Variants in DCDC1 observed in about 807,000 individuals in gnomAD.
DCDC1 encodes doublecortin domain-containing protein 1.
Under a neutral mutation model 178.3 loss-of-function variants are expected in DCDC1, and 200 were observed. The ratio of observed to expected loss-of-function variants is 1.12; its 90% CI spans 1.00 to 1.26. The LOEUF (loss-of-function observed/expected upper bound fraction) is 1.26, where lower values mean the gene tolerates loss of function less well. Among genes scored for constraint, DCDC1 ranks in the 50% most tolerant of loss-of-function variants. The probability of loss-of-function intolerance (pLI) is 0.00; values close to 1 mark genes in which losing one functional copy is unlikely to be tolerated. For missense variants in DCDC1, 1,983 were observed against 1,749.2 expected, an observed-to-expected ratio of 1.13 and a Z score of -2.38; for synonymous variants, 690 against 604.8, an observed-to-expected ratio of 1.14 and a Z score of -2.07.
At chr11:30,922,909 A>AATT (rs1946341054) in intron 23 of DCDC1, among the ~76,000 whole-genome samples, 1 of 152,030 alleles carries the variant, frequency 6.6e-6, no homozygotes, top group African/African-American at 2.4e-5. Context: ...GTGAATCTAT[A>AATT]ATTATTTCAA....
Position 30,894,230 on chromosome 11 carries a change from G to A in DCDC1, c.4902+18C>T. ...AAAAGGGCAGAGTCTTTAATGTCCA[G>A]AATCCCAAAGAACATACCTCTGTAT... On this transcript the variant is annotated intron_variant, in intron 35 of 38. Coordinates refer to ENST00000684477, the MANE Select transcript of DCDC1 (RefSeq NM_001387274.1). 1 of 1,601,934 alleles carries A rather than the reference G, an allele frequency of 6.2e-7. No individual in the cohort carries two copies. The highest frequency in any genetic ancestry group is 8.5e-7 in the Non-Finnish European group (1 of 1,176,192).
intron 36 of DCDC1, among the ~76,000 whole-genome samples, chr11:30,883,908 G>C (rs1045818623): frequency 1.3e-5 from 2 of 151,732 alleles, no homozygotes; most frequent in Admixed American, 1.3e-4. Flanking sequence ...TGATACGCCT[G>C]CTACAAAAGT....
Position 31,305,734 on chromosome 11 carries a change from G to A in DCDC1, c.635C>T (p.Ala212Val), listed in dbSNP as rs764648755. The change falls in exon 6 of 39, where the codon GCA (alanine) becomes GTA (valine). Residue 212 changes from alanine to valine, a missense_variant. Physicochemically the swap from Ala to Val is moderately conservative, Grantham distance 64. Transcript: ENST00000684477. ...CTEKLNLNMA[A>V]RRVFLADGKE... is the part of the protein sequence containing the mutation. ...GCCGTCTGCCAAGAACACTCGTCTT[G>A]CGGCCATGTTCAGATTCAGCTTTTC... 5.6e-6 allele frequency: 9 copies of A among 1,613,592 alleles called. No individual in the cohort carries two copies. The Admixed American group carries it at 1.3e-4, about 24-fold the overall frequency.
At chr11:30,929,693 C>T (rs1946810709) in intron 22 of DCDC1, among the ~76,000 whole-genome samples, 4 of 151,842 alleles carry the variant, frequency 2.6e-5, no homozygotes, top group Admixed American at 2.0e-4. Flanking sequence ...TACTTCAAAG[C>T]CTCATCTGGG....
intron 36 of DCDC1, chr11:30,881,908 TAC>T (rs1394687437): frequency 6.5e-6 from 1 of 153,820 alleles, no homozygotes; most frequent in Non-Finnish European, 1.5e-5. Context: ...CATGTAGAGA[TAC>T]AGTGTCAATG....
intron 20 of DCDC1, among the ~76,000 whole-genome samples, chr11:31,031,697 A>C (rs1213093944): frequency 6.6e-6 from 1 of 152,122 alleles, no homozygotes; most frequent in Admixed American, 6.5e-5. Flanking sequence ...AGCCAGCAAT[A>C]TTGTGAAAAT....
At chr11:31,279,882 T>C (rs1044198855) in intron 7 of DCDC1, among the ~76,000 whole-genome samples, 11 of 152,068 alleles carry the variant, frequency 7.2e-5, no homozygotes, top group African/African-American at 2.4e-5. Context: ...ACTTAAAGTA[T>C]AATAAATTAA....
chr11:30,968,182 C>A (rs1157525912), intron 20 of DCDC1, among the ~76,000 whole-genome samples: 1 of 152,102 alleles, frequency 6.6e-6, no homozygotes, highest in Non-Finnish European at 1.5e-5. Flanking sequence ...TCAGGGTAAT[C>A]ATGGGTTTTG....
chr11:31,097,928 T>C (rs1364328228), intron 15 of DCDC1, among the ~76,000 whole-genome samples: 1 of 152,172 alleles, frequency 6.6e-6, no homozygotes, highest in Non-Finnish European at 1.5e-5. Flanking sequence ...TATGAATGCA[T>C]TCTACTAGCA....
intron 38 of DCDC1, among the ~76,000 whole-genome samples, chr11:30,870,129 A>T (rs978982402): frequency 1.3e-5 from 2 of 152,158 alleles, no homozygotes; most frequent in South Asian, 4.1e-4. Flanking sequence ...TAACAGTTGT[A>T]TGTTTGTGCA....
chr11:31,213,356 T>A (rs1344756453), intron 9 of DCDC1, among the ~76,000 whole-genome samples: 1 of 151,966 alleles, frequency 6.6e-6, no homozygotes. Flanking sequence ...CTCCTGAGTC[T>A]ATTTATCAAT....
chr11:31,169,451 T>C (rs959486441), intron 9 of DCDC1, among the ~76,000 whole-genome samples: 10 of 152,070 alleles, frequency 6.6e-5, no homozygotes, highest in Admixed American at 5.9e-4. Context: ...AATATAAAGG[T>C]ATAAAGTGGC....
intron 9 of DCDC1, among the ~76,000 whole-genome samples, chr11:31,171,048 G>A (rs1241519741): frequency 2.6e-5 from 4 of 152,096 alleles, no homozygotes; most frequent in Middle Eastern, 3.4e-3. Flanking sequence ...GGCTGGTCTC[G>A]AACTCCCGAT....
chr11:31,004,681 C>CAAAAAA (rs201483189), intron 20 of DCDC1, among the ~76,000 whole-genome samples: 1 of 72,504 alleles, frequency 1.4e-5, no homozygotes, highest in Non-Finnish European at 3.0e-5. Context: ...CACTCTGTCT[C>CAAAAAA]AAAAAAAAAA....
intron 3 of DCDC1, 62 bp downstream of exon 3, chr11:31,328,055 T>C (rs1949744481): frequency 6.8e-7 from 1 of 1,469,242 alleles, no homozygotes; most frequent in Non-Finnish European, 9.1e-7. Flanking sequence ...TTTAAACTAC[T>C]TTCTATAAAC....
At chr11:30,913,599 G>A (rs748864056) in intron 27 of DCDC1, among the ~76,000 whole-genome samples, 1 of 151,980 alleles carries the variant, frequency 6.6e-6, no homozygotes, top group Non-Finnish European at 1.5e-5. Context: ...TCTCTTTTCC[G>A]TGTCTTGACA....
chr11:30,914,652 AAGAG>A (rs1312839996), intron 27 of DCDC1, among the ~76,000 whole-genome samples: 4 of 139,412 alleles, frequency 2.9e-5, no homozygotes, highest in East Asian at 4.2e-4. Context: ...AAAAAAAAAA[AAGAG>A]AGAGAGAGAG....
In DCDC1 at chr11:31,110,269, C is replaced by T. The variant is rs529898239; in HGVS notation, c.1578G>A (p.Met526Ile). 59 of 715,772 alleles carry T rather than the reference C, an allele frequency of 8.2e-5. No homozygotes were observed. Among genetic ancestry groups the T allele is most frequent in the Admixed American group, 6.2e-4 (32 of 52,032 alleles). 44.3% of individuals were successfully genotyped at this position (715,772 alleles called of 1,614,324 possible). A position where few individuals can be genotyped will look rare whatever the true frequency, so the allele number is the denominator to read the frequency against. ...CTGTCAGTAAACTCACTCTTTCCAT[C>T]ATATGGTCAGTTTGAATTGGGCTAT... is the stretch of plus-strand genomic sequence containing the variant. ...GSDSPIQTDHMMERLLLKIHQ... is the reference protein window; with the variant it reads ...GSDSPIQTDHIMERLLLKIHQ... Residue 526 changes from methionine (M) to isoleucine (I), a missense_variant, in exon 12 of 39, where the codon ATG (methionine) becomes ATA (isoleucine). Transcript: ENST00000684477.
chr11:31,330,246 TG>T (rs920661665), intron 2 of DCDC1, among the ~76,000 whole-genome samples: 8 of 80,612 alleles, frequency 9.9e-5, no homozygotes, highest in South Asian at 3.5e-4. Context: ...TTGATGGGGT[TG>T]GTTTTTTTCT....
Sources: gnomAD v4.1 joint callset for allele counts (sites outside exome capture counted in the v4.1 genomes callset) on GRCh38, gnomAD v4.1.1 for gene constraint, MANE v1.5 for transcripts, NCBI Gene and HGNC (gene_info 2026-07-23, HGNC 2026-07-21) for gene names.